The following CSMD1 variants were observed in gnomAD, a reference collection of about 807,000 sequenced individuals.
CSMD1 encodes CUB and sushi domain-containing protein 1.
In CSMD1, 213 loss-of-function variants were observed where a neutral mutation model predicts 417.5. The ratio of observed to expected loss-of-function variants is 0.51; its 90% CI spans 0.46 to 0.57. The LOEUF (loss-of-function observed/expected upper bound fraction) is 0.57. CSMD1 is among the 20% of genes least tolerant of loss of function. The pLI, the probability that CSMD1 is intolerant of heterozygous loss-of-function variation, is 0.00. For synonymous variants in CSMD1, 2,862 were observed against 1,736.8 expected (o/e 1.65, Z -16.11); for missense variants, 6,923 against 4,529.7 (o/e 1.53, Z -15.17).
chr8:3,811,289 C>T (rs940318962), intron 5 of CSMD1, among the ~76,000 whole-genome samples: 1 of 152,146 alleles, frequency 6.6e-6, no homozygotes, highest in East Asian at 1.9e-4. Flanking sequence ...TTTATGAGCA[C>T]GGAAAACTGC....
At chr8:3,046,036 T>G (rs1167625887) in intron 50 of CSMD1, among the ~76,000 whole-genome samples, 2 of 152,176 alleles carry the variant, frequency 1.3e-5, no homozygotes. Flanking sequence ...GGCCTCTTTA[T>G]CATACCTGAC....
chr8:4,293,761 A>ATCAG (rs1797510556), intron 3 of CSMD1, among the ~76,000 whole-genome samples: 1 of 152,222 alleles, frequency 6.6e-6, no homozygotes, highest in Non-Finnish European at 1.5e-5. Context: ...TTTGTCTTAT[A>ATCAG]TCAGTTTGGT....
At chr8:3,656,372 A>G (rs958767129) in intron 7 of CSMD1, among the ~76,000 whole-genome samples, 1 of 151,678 alleles carries the variant, frequency 6.6e-6, no homozygotes, top group African/African-American at 2.4e-5. Flanking sequence ...TATTTGATAG[A>G]TGACACCTGC....
rs953639063 is a variant in CSMD1 at position 4,003,599 on chromosome 8, C to A, written c.611-5489G>T. ...GATAGGCATTCAAATTAAAACAACA[C>A]TGAAATGCCTTCTAATATACATTAA... On this transcript the variant is annotated intron_variant, in intron 4 of 69. Transcript: ENST00000635120. Among the ~76,000 whole-genome samples, 3 of 152,238 alleles carry A rather than the reference C, an allele frequency of 2.0e-5. No individual in the cohort carries two copies. The South Asian group carries it at 6.2e-4, about 32-fold the overall frequency.
rs55993904 is a variant in CSMD1, at chr8:4,138,044, A to ATTTT, written c.416-105949_416-105946dup. Among the ~76,000 whole-genome samples the ATTTT allele has an allele frequency of 3.0e-4, 19 of 62,700 alleles. 1 individual carries two copies. The highest frequency in any genetic ancestry group is 6.3e-4 in the African/African-American group (10 of 15,876). The allele number at this position is 62,700 out of a possible 152,430, so 41.1% of individuals were successfully genotyped here. ...AGGCGCCCGCCACCATGCCCGGCTAATTTTTTTTTTTTTTTTTTTTTTTTT... is the reference window on the plus strand; with the variant it reads ...AGGCGCCCGCCACCATGCCCGGCTAATTTTTTTTTTTTTTTTTTTTTTTTTTTTT... On this transcript the variant is annotated intron_variant, in intron 3 of 69. Transcript: ENST00000635120.
rs547240889 is a variant in CSMD1 at position 4,290,721 on chromosome 8, C to T, written c.415+129232G>A. Among the ~76,000 whole-genome samples the T allele has an allele frequency of 2.6e-5, 4 of 152,306 alleles. No homozygotes were observed. The East Asian group carries it at 7.7e-4, about 29-fold the overall frequency. On this transcript the variant is annotated intron_variant, in intron 3 of 69. Transcript: ENST00000635120. ...ATGAGCATATGACATTGATAATGTT[C>T]ATTAACTTTATCTCCCTATCTGTAG... is the stretch of plus-strand genomic sequence containing the variant.
chr8:3,366,996 G>C, intron 20 of CSMD1, 36 bp downstream of exon 20: 1 of 1,498,620 alleles, frequency 6.7e-7, no homozygotes, highest in South Asian at 1.2e-5. Flanking sequence ...CAGTATTGTT[G>C]CCAGAGGAGA....
chr8:3,508,856 C>T lies in CSMD1; in HGVS notation c.1345-15130G>A, dbSNP rs185143463. On this transcript the variant is annotated intron_variant, in intron 10 of 69. Transcript: ENST00000635120. Reference sequence around the variant, plus strand: ...GCTGTCACTCTCCTACACTGGGAAACGGTGACAAAAGTGACCAGTTAGAGC... The same window carrying T: ...GCTGTCACTCTCCTACACTGGGAAATGGTGACAAAAGTGACCAGTTAGAGC... Among the ~76,000 whole-genome samples the T allele has an allele frequency of 9.9e-5, 15 of 152,264 alleles. No homozygotes were observed. The East Asian group carries it at 1.5e-3, about 16-fold the overall frequency.
intron 1 of CSMD1, among the ~76,000 whole-genome samples, chr8:4,778,755 T>C (rs1181388920): frequency 1.3e-5 from 2 of 152,218 alleles, no homozygotes; most frequent in Non-Finnish European, 2.9e-5. Context: ...TTAAAAGCTC[T>C]CATAGTGGTT....
intron 3 of CSMD1, among the ~76,000 whole-genome samples, chr8:4,276,179 T>A (rs988577367): frequency 2.0e-5 from 3 of 152,174 alleles, no homozygotes; most frequent in Middle Eastern, 3.2e-3. Flanking sequence ...CACATATGCT[T>A]ATTGCAGCAC....
intron 47 of CSMD1, 23 bp downstream of exon 47, chr8:3,096,826 C>G (rs3112): frequency 8.1e-6 from 12 of 1,482,436 alleles, no homozygotes; most frequent in African/African-American, 1.4e-5. Context: ...GGTCACTGCT[C>G]TACAAAGATT....
Position 3,831,950 on chromosome 8 carries a change from CAG to C in CSMD1, c.819-77910_819-77909del, listed in dbSNP as rs201437480. ...CCAGAGATTAGTCCTGGAAAGTTTG[CAG>C]AGTGTATTAGGTTTTGTACATTTGT... On this transcript the variant is annotated intron_variant, in intron 5 of 69. Transcript: ENST00000635120. Among the ~76,000 whole-genome samples, 1,186 of 152,240 alleles carry C rather than the reference CAG, an allele frequency of 7.8e-3. 10 individuals are homozygous for C. The highest frequency in any genetic ancestry group is 0.013 in the Non-Finnish European group (878 of 68,016).
intron 41 of CSMD1, among the ~76,000 whole-genome samples, chr8:3,138,867 A>C (rs56376466): frequency 0.061 from 9,290 of 152,256 alleles, 951 homozygotes; most frequent in African/African-American, 0.21. Flanking sequence ...AAAGCATGGT[A>C]AACGCTTTCA....
intron 33 of CSMD1, 32 bp from the exon 34 acceptor site, chr8:3,190,147 T>C (rs1347519195): frequency 3.3e-6 from 5 of 1,537,850 alleles, no homozygotes; most frequent in Non-Finnish European, 4.4e-6. Flanking sequence ...CAGCCGTCTG[T>C]ATCTCCATCA....
intron 36 of CSMD1, among the ~76,000 whole-genome samples, chr8:3,184,815 A>G (rs1307650362): frequency 1.3e-5 from 2 of 152,086 alleles, no homozygotes; most frequent in African/African-American, 2.4e-5. Context: ...CTTACTTCAC[A>G]TAAGCTCATT....
chr8:3,969,623 G>C (rs573302686), intron 5 of CSMD1, among the ~76,000 whole-genome samples: 2 of 152,110 alleles, frequency 1.3e-5, no homozygotes, highest in South Asian at 4.1e-4. Flanking sequence ...ATTAAATAAA[G>C]ATTTAAGAAA....
intron 37 of CSMD1, among the ~76,000 whole-genome samples, chr8:3,171,468 C>T (rs1401622245): frequency 6.6e-6 from 1 of 152,164 alleles, no homozygotes; most frequent in Non-Finnish European, 1.5e-5. Flanking sequence ...AAAAGTATGA[C>T]AGGACTGAGG....
chr8:3,320,229 T>A (rs904069189), intron 23 of CSMD1, among the ~76,000 whole-genome samples: 1 of 152,132 alleles, frequency 6.6e-6, no homozygotes, highest in Admixed American at 6.6e-5. Context: ...CTGGCACTAG[T>A]TTGGAGAGGG....
chr8:4,574,688 T>C (rs1486582627), intron 2 of CSMD1, among the ~76,000 whole-genome samples: 2 of 152,180 alleles, frequency 1.3e-5, no homozygotes, highest in Non-Finnish European at 2.9e-5. Flanking sequence ...CTCTTCCAGA[T>C]ATGTGGGGAA....
Sources: gnomAD v4.1 joint callset for allele counts (sites outside exome capture counted in the v4.1 genomes callset) on GRCh38, gnomAD v4.1.1 for gene constraint, MANE v1.5 for transcripts, NCBI Gene and HGNC (gene_info 2026-07-23, HGNC 2026-07-21) for gene names.